ULK4: variants seen among roughly 807,000 people sequenced by gnomAD.
ULK4 encodes inactive serine/threonine-protein kinase ULK4.
A neutral mutation model predicts 160.6 loss-of-function variants in ULK4; 133 were observed. That is an observed-to-expected ratio of 0.83 (90% CI 0.72 to 0.96). The LOEUF is 0.96. ULK4 is among the 40% of genes least tolerant of loss of function. The probability of loss-of-function intolerance (pLI) is 0.00; values close to 1 mark genes in which losing one functional copy is unlikely to be tolerated. For missense variants in ULK4, 1,580 were observed against 1,499.5 expected (o/e 1.05, Z -0.89); for synonymous variants, 534 against 539.8 (o/e 0.99, Z 0.15).
chr3:41,617,728 G>C (rs1470616651), intron 30 of ULK4, among the ~76,000 whole-genome samples: 2 of 152,112 alleles, frequency 1.3e-5, no homozygotes, highest in Admixed American at 1.3e-4. Flanking sequence ...CCAAATGATT[G>C]CAACTCCTCT....
intron 3 of ULK4, 105 bp from the exon 4 acceptor site, chr3:41,936,045 C>T: frequency 7.0e-7 from 1 of 1,436,074 alleles, no homozygotes; most frequent in Non-Finnish European, 9.4e-7. Flanking sequence ...ATGATCAAGA[C>T]AGTAAACGCT....
At chr3:41,810,480 C>G (rs2040787723) in intron 19 of ULK4, among the ~76,000 whole-genome samples, 1 of 152,096 alleles carries the variant, frequency 6.6e-6, no homozygotes, top group Non-Finnish European at 1.5e-5. Flanking sequence ...ACCTAATAGT[C>G]AAGAATGTGG....
At chr3:41,942,475 C>T (rs192016806) in intron 2 of ULK4, among the ~76,000 whole-genome samples, 62 of 152,148 alleles carry the variant, frequency 4.1e-4, no homozygotes, top group African/African-American at 1.3e-3. Flanking sequence ...GCCTAGATCA[C>T]GCCATTGCAC....
chr3:41,624,512 G>A (rs535733978), intron 30 of ULK4, among the ~76,000 whole-genome samples: 6 of 152,152 alleles, frequency 3.9e-5, no homozygotes, highest in East Asian at 3.9e-4. Flanking sequence ...TGCATGATGC[G>A]CACGCTGGCC....
chr3:41,919,840 CAG>C, intron 5 of ULK4, 22 bp from the exon 6 acceptor site: 1 of 1,573,178 alleles, frequency 6.4e-7, no homozygotes, highest in Non-Finnish European at 8.7e-7. Flanking sequence ...GTATGAAGAA[CAG>C]CTCGGTTAGG....
chr3:41,437,074 C>T (rs1036443335), intron 34 of ULK4, among the ~76,000 whole-genome samples: 10 of 152,134 alleles, frequency 6.6e-5, no homozygotes, highest in Non-Finnish European at 1.2e-4. Context: ...TACAGATAGT[C>T]AATTTATTGC....
intron 33 of ULK4, among the ~76,000 whole-genome samples, chr3:41,461,847 A>T (rs2083692359): frequency 6.6e-6 from 1 of 152,196 alleles, no homozygotes; most frequent in South Asian, 2.1e-4. Context: ...CATCTCAAAG[A>T]ATTACAAAAA....
At chr3:41,515,206 G>A (rs184381289) in intron 32 of ULK4, among the ~76,000 whole-genome samples, 201 of 151,966 alleles carry the variant, frequency 1.3e-3, no homozygotes, top group African/African-American at 4.4e-3. Flanking sequence ...GCAGTGAGCT[G>A]AGATCACACC....
intron 31 of ULK4, among the ~76,000 whole-genome samples, chr3:41,602,332 AGGAAAGGAGGAAG>A (rs1299856278): frequency 4.2e-4 from 62 of 147,276 alleles, no homozygotes; most frequent in Non-Finnish European, 7.9e-4. Flanking sequence ...AGGAAGGGAA[AGGAAAGGAGGAAG>A]GGAAAGGAAA....
chr3:41,489,008 C>G (rs9861102), intron 32 of ULK4, among the ~76,000 whole-genome samples: 62,239 of 151,902 alleles, frequency 0.41, 12,935 homozygotes, highest in African/African-American at 0.43. Context: ...CACTGAGGCT[C>G]TATCTCAGCC....
chr3:41,830,457 TAAA>T (rs1354868290), intron 18 of ULK4, among the ~76,000 whole-genome samples: 4 of 152,024 alleles, frequency 2.6e-5, no homozygotes, highest in Non-Finnish European at 4.4e-5. Flanking sequence ...AGTAGGGGAT[TAAA>T]AAGGGTGCTA....
At chr3:41,264,969 G>A (rs537834939) in intron 35 of ULK4, among the ~76,000 whole-genome samples, 22 of 152,298 alleles carry the variant, frequency 1.4e-4, no homozygotes, top group African/African-American at 5.3e-4. Flanking sequence ...CAGGGCACAG[G>A]GCTGGGGCCT....
At chr3:41,368,840 T>G (rs2081304689) in intron 35 of ULK4, among the ~76,000 whole-genome samples, 1 of 152,238 alleles carries the variant, frequency 6.6e-6, no homozygotes, top group African/African-American at 2.4e-5. Context: ...ACAATGTTGT[T>G]ATGAAATTCA....
At chr3:41,530,375 A>T (rs2086262679) in intron 32 of ULK4, among the ~76,000 whole-genome samples, 1 of 152,220 alleles carries the variant, frequency 6.6e-6, no homozygotes, top group Non-Finnish European at 1.5e-5. Flanking sequence ...AATTAAGTCA[A>T]GGCAGTCAGG....
rs573815303 is a variant in ULK4 at position 41,461,787 on chromosome 3, A to C, written c.3393+1300T>G. On this transcript the variant is annotated intron_variant, in intron 33 of 36. Transcript: ENST00000301831. Reference sequence around the variant, plus strand: ...TTTTCTGTCTACAATTTACAAGAAAATCTTTTACAGATTGTCATCAAGGTA... The same window carrying C: ...TTTTCTGTCTACAATTTACAAGAAACTCTTTTACAGATTGTCATCAAGGTA... 1.1e-4 allele frequency among the ~76,000 whole-genome samples: 16 copies of C among 152,284 alleles called. 1 individual carries two copies. Among genetic ancestry groups the C allele is most frequent in the Middle Eastern group, 3.4e-3 (1 of 294 alleles).
intron 7 of ULK4, among the ~76,000 whole-genome samples, chr3:41,916,546 G>A (rs966386218): frequency 6.7e-5 from 10 of 150,348 alleles, no homozygotes; most frequent in Admixed American, 2.0e-4. Context: ...GCACTACCAT[G>A]CCTGACTAAT....
intron 32 of ULK4, among the ~76,000 whole-genome samples, chr3:41,544,523 C>T (rs1559381762): frequency 6.6e-6 from 1 of 152,174 alleles, no homozygotes; most frequent in Non-Finnish European, 1.5e-5. Context: ...CTGTATTCCC[C>T]AGGAATAAAT....
chr3:41,858,269 A>C (rs1424088222), intron 17 of ULK4, among the ~76,000 whole-genome samples: 1 of 147,138 alleles, frequency 6.8e-6, no homozygotes, highest in Non-Finnish European at 1.5e-5. Flanking sequence ...CTTGTGCCTC[A>C]GCCTCCCAGG....
At chr3:41,839,913 T>TA (rs919631924) in intron 17 of ULK4, among the ~76,000 whole-genome samples, 7 of 152,228 alleles carry the variant, frequency 4.6e-5, no homozygotes, top group African/African-American at 1.4e-4. Context: ...CAATGCTATT[T>TA]AAAAAAATCA....
Sources: allele counts gnomAD v4.1 joint callset (sites outside exome capture counted in the v4.1 genomes callset), GRCh38; gene constraint gnomAD v4.1.1; transcripts MANE v1.5; gene names NCBI Gene and HGNC (gene_info 2026-07-23, HGNC 2026-07-21).